SPRED2: variants seen among roughly 807,000 people sequenced by gnomAD.
The protein encoded by SPRED2 is sprouty related EVH1 domain containing 2.
SPRED2 carries 47 observed loss-of-function variants against 43.0 expected under a neutral mutation model. The ratio of observed to expected loss-of-function variants is 1.09; its 90% CI spans 0.87 to 1.40. The LOEUF is 1.40. Among genes scored for constraint, SPRED2 ranks in the 40% most tolerant of loss-of-function variants. The pLI is 0.00. For synonymous variants in SPRED2, 225 were observed against 225.7 expected (o/e 1.00, Z 0.03); for missense variants, 561 against 586.4 (o/e 0.96, Z 0.45).
intron 1 of SPRED2, 46 bp downstream of exon 1, chr2:65,431,916 G>A (rs1676705605): frequency 1.3e-6 from 2 of 1,516,160 alleles, no homozygotes; most frequent in Non-Finnish European, 9.1e-7. Context: ...CGGCCCCCAC[G>A]CTGCCCCTGA....
intron 1 of SPRED2, among the ~76,000 whole-genome samples, chr2:65,354,844 G>A (rs1015861654): frequency 6.6e-6 from 1 of 152,132 alleles, no homozygotes; most frequent in Admixed American, 6.5e-5. Flanking sequence ...CTTAGCTTCA[G>A]CACACAGGCA....
At chr2:65,382,855 A>G (rs1199488837) in intron 1 of SPRED2, among the ~76,000 whole-genome samples, 1 of 152,218 alleles carries the variant, frequency 6.6e-6, no homozygotes, top group Non-Finnish European at 1.5e-5. Context: ...CATACTTGAC[A>G]GTGTGGGTCT....
At chr2:65,359,970 C>A (rs899607353) in intron 1 of SPRED2, among the ~76,000 whole-genome samples, 2 of 148,812 alleles carry the variant, frequency 1.3e-5, no homozygotes, top group Non-Finnish European at 3.0e-5. Context: ...GAGCCTGGGG[C>A]AGGAGAATCG....
At chr2:65,363,335 G>A (rs1261736238) in intron 1 of SPRED2, among the ~76,000 whole-genome samples, 1 of 151,636 alleles carries the variant, frequency 6.6e-6, no homozygotes, top group Non-Finnish European at 1.5e-5. Flanking sequence ...TGCAGTTGAC[G>A]CAACAAGCTG....
At chr2:65,416,004 A>C (rs999937396) in intron 1 of SPRED2, among the ~76,000 whole-genome samples, 9 of 152,322 alleles carry the variant, frequency 5.9e-5, no homozygotes, top group Middle Eastern at 6.8e-3. Context: ...GAAGAGAGAG[A>C]GGAGGATCTT....
chr2:65,323,868 T>C (rs1181277514), intron 4 of SPRED2, among the ~76,000 whole-genome samples: 1 of 151,840 alleles, frequency 6.6e-6, no homozygotes, highest in Admixed American at 6.6e-5. Context: ...AGAGCAAGAC[T>C]CCGTCTCAAA....
At chr2:65,321,100 A>C (rs1433172308) in intron 4 of SPRED2, among the ~76,000 whole-genome samples, 1 of 152,184 alleles carries the variant, frequency 6.6e-6, no homozygotes, top group Non-Finnish European at 1.5e-5. Flanking sequence ...AGGGCTTTGA[A>C]GAACAAAAGC....
intron 4 of SPRED2, among the ~76,000 whole-genome samples, chr2:65,327,528 G>T (rs1017794848): frequency 3.3e-5 from 5 of 152,054 alleles, no homozygotes; most frequent in African/African-American, 1.2e-4. Flanking sequence ...CGTAATGTGA[G>T]CTTGAGAGTT....
At chr2:65,381,229 A>G (rs268134) in intron 1 of SPRED2, among the ~76,000 whole-genome samples, 114,319 of 152,158 alleles carry the variant, frequency 0.75, 43,142 homozygotes, top group East Asian at 0.91. Flanking sequence ...GGCAACCCAG[A>G]ATTTAACCCT....
intron 4 of SPRED2, among the ~76,000 whole-genome samples, chr2:65,318,184 G>A (rs1195564039): frequency 6.6e-6 from 1 of 152,140 alleles, no homozygotes; most frequent in African/African-American, 2.4e-5. Flanking sequence ...CACCATCCGC[G>A]TAAGATGTGA....
chr2:65,366,667 C>T (rs926212991), intron 1 of SPRED2: 15 of 1,542,582 alleles, frequency 9.7e-6, no homozygotes, highest in Middle Eastern at 3.4e-4. Flanking sequence ...ATAAAGCTTC[C>T]GATAAAAATG....
rs376903676 is a variant in SPRED2 at position 65,378,024 on chromosome 2, C to G, written c.27-33128G>C. On this transcript the variant is annotated intron_variant, in intron 1 of 5. Coordinates refer to ENST00000356388, the MANE Select transcript of SPRED2 (RefSeq NM_181784.3). The stretch of plus-strand genomic sequence containing the variant: ...ATTTCCTCTGTAACATGTCAAGATC[C>G]CACCAGAAGGGCTAAGGAAGGAAGG... 9 of 226,698 alleles carry G rather than the reference C, an allele frequency of 4.0e-5. 1 individual carries two copies. Among genetic ancestry groups the G allele is most frequent in the African/African-American group, 2.0e-4 (9 of 44,680 alleles). 14.0% of individuals were successfully genotyped at this position (226,698 alleles called of 1,614,324 possible).
intron 4 of SPRED2, among the ~76,000 whole-genome samples, chr2:65,321,938 A>C: frequency 6.6e-6 from 1 of 151,766 alleles, no homozygotes; most frequent in African/African-American, 2.4e-5. Context: ...ACGTTTGGCT[A>C]ATTTTTTGAT....
At chr2:65,360,089 C>CAAAAAAAAAAAAAAAAAAAA (rs1294319058) in intron 1 of SPRED2, among the ~76,000 whole-genome samples, 1 of 43,152 alleles carries the variant, frequency 2.3e-5, no homozygotes, top group Non-Finnish European at 6.2e-5. Flanking sequence ...CAAAAAAAAA[C>CAAAAAAAAAAAAAAAAAAAA]AAAAAAAAAA....
chr2:65,419,468 T>TA (rs1329290039), intron 1 of SPRED2, among the ~76,000 whole-genome samples: 46 of 152,244 alleles, frequency 3.0e-4, no homozygotes, highest in African/African-American at 9.9e-4. Context: ...TGCCCACACT[T>TA]ACGTTCTTAT....
At chr2:65,416,780 TC>T (rs754633977) in intron 1 of SPRED2, among the ~76,000 whole-genome samples, 44 of 152,262 alleles carry the variant, frequency 2.9e-4, no homozygotes, top group Non-Finnish European at 2.6e-4. Flanking sequence ...CCTTGGGCTC[TC>T]CGGATACTGT....
In SPRED2 at chr2:65,311,724, G is replaced by C; in HGVS notation, c.*1777C>G. On this transcript the variant is annotated 3_prime_UTR_variant, in exon 6 of 6. Transcript: ENST00000356388. Reference sequence around the variant, plus strand: ...GAAAGCCTAAACCAGTTACTCCAATGAATGAAGACGTCTACTAACTGACTC... The same window carrying C: ...GAAAGCCTAAACCAGTTACTCCAATCAATGAAGACGTCTACTAACTGACTC... The C allele has an allele frequency of 1.0e-6, 1 of 985,432 alleles. No individual in the cohort carries two copies. Among genetic ancestry groups the C allele is most frequent in the South Asian group, 4.7e-5 (1 of 21,286 alleles). 61.0% of individuals were successfully genotyped at this position (985,432 alleles called of 1,614,324 possible).
At chr2:65,337,039 C>T (rs531942863) in intron 2 of SPRED2, among the ~76,000 whole-genome samples, 2 of 151,948 alleles carry the variant, frequency 1.3e-5, no homozygotes, top group African/African-American at 2.4e-5. Flanking sequence ...ACCCGGGAGG[C>T]GGAGCTTGCA....
At chr2:65,326,783 C>T (rs774569128) in intron 4 of SPRED2, among the ~76,000 whole-genome samples, 24 of 152,044 alleles carry the variant, frequency 1.6e-4, no homozygotes, top group Non-Finnish European at 2.6e-4. Context: ...GGATTAAAGG[C>T]GTGAGCCACC....
Sources: allele counts gnomAD v4.1 joint callset (sites outside exome capture counted in the v4.1 genomes callset), GRCh38; gene constraint gnomAD v4.1.1; transcripts MANE v1.5; gene names NCBI Gene and HGNC (gene_info 2026-07-23, HGNC 2026-07-21).